BLK: variants seen among roughly 807,000 people sequenced by gnomAD.
BLK encodes the protein BLK proto-oncogene, Src family tyrosine kinase.
A neutral mutation model predicts 61.8 loss-of-function variants in BLK; 64 were observed. The ratio of observed to expected loss-of-function variants is 1.03; its 90% CI spans 0.85 to 1.27. The LOEUF (loss-of-function observed/expected upper bound fraction) is 1.27, where lower values mean the gene tolerates loss of function less well. Among genes scored for constraint, BLK ranks in the 50% most tolerant of loss-of-function variants. The pLI, the probability that BLK is intolerant of heterozygous loss-of-function variation, is 0.00. For missense variants in BLK, 853 were observed against 660.5 expected (o/e 1.29, Z -3.19); for synonymous variants, 351 against 272.0 (o/e 1.29, Z -2.86).
intron 1 of BLK, among the ~76,000 whole-genome samples, chr8:11,507,186 T>G (rs1222972984): frequency 6.6e-6 from 1 of 152,108 alleles, no homozygotes; most frequent in Non-Finnish European, 1.5e-5. Context: ...AACAACACCC[T>G]TGGCAGAGGA....
Position 11,561,464 on chromosome 8 carries a change from C to T in BLK, c.1180+12C>T, listed in dbSNP as rs1437193332. 1 of 1,613,274 alleles carries T rather than the reference C, an allele frequency of 6.2e-7. No homozygotes were observed. The highest frequency in any genetic ancestry group is 1.3e-5 in the African/African-American group (1 of 75,024). On this transcript the variant is annotated intron_variant, in intron 11 of 12. Transcript: ENST00000259089. ...CACGGCCCAAGAGGGTAAGCACAGC[C>T]CCTAACCACAAGGGAAACCTAGGGC... is the stretch of plus-strand genomic sequence containing the variant.
At chr8:11,517,268 G>C (rs924194309) in intron 1 of BLK, among the ~76,000 whole-genome samples, 1 of 152,220 alleles carries the variant, frequency 6.6e-6, no homozygotes, top group East Asian at 1.9e-4. Context: ...AGAAATCGGG[G>C]TTGCATGTGG....
chr8:11,524,918 C>CAA (rs34067077), intron 1 of BLK, among the ~76,000 whole-genome samples: 45,125 of 127,666 alleles, frequency 0.35, 7,582 homozygotes, highest in East Asian at 0.72. Context: ...TGCTTTTTTA[C>CAA]AAAAAAAAAA....
Position 11,562,132 on chromosome 8 carries a change from C to G in BLK, c.1180+680C>G, listed in dbSNP as rs962476519. Among the ~76,000 whole-genome samples, 4 of 152,100 alleles carry G rather than the reference C, an allele frequency of 2.6e-5. 1 individual carries two copies. The highest frequency in any genetic ancestry group is 9.7e-5 in the African/African-American group (4 of 41,414). ...TGCCCAAATACTATTTTTATATAGT[C>G]CCTATTAACCTTCCATGGAATTAGG... On this transcript the variant is annotated intron_variant, in intron 11 of 12. Coordinates refer to ENST00000259089, the MANE Select transcript of BLK (RefSeq NM_001715.3).
intron 1 of BLK, among the ~76,000 whole-genome samples, chr8:11,527,185 C>G (rs76409055): frequency 0.025 from 3,820 of 152,224 alleles, 117 homozygotes; most frequent in African/African-American, 0.074. Flanking sequence ...CTCAACACAC[C>G]AAAGACTATA....
In BLK at chr8:11,555,437, G is replaced by C; in HGVS notation, c.725G>C (p.Arg242Thr). ...TGGGAGATCCCCCGGCAGTCTCTCA[G>C]GCTGGTCAGGAAACTCGGGTCTGGA... ...DEWEIPRQSL[R>T]LVRKLGSGQF... Residue 242 changes from arginine (R) to threonine (T), a missense_variant, in exon 8 of 13, where the codon AGG becomes ACG. Coordinates refer to ENST00000259089, the MANE Select transcript of BLK (RefSeq NM_001715.3). The C allele has an allele frequency of 2.5e-6, 4 of 1,614,190 alleles. No homozygotes were observed. In the South Asian group the frequency reaches 3.3e-5, roughly 13 times the overall value.
chr8:11,535,530 T>C (rs1800099668), intron 1 of BLK, among the ~76,000 whole-genome samples: 1 of 152,210 alleles, frequency 6.6e-6, no homozygotes, highest in Admixed American at 6.5e-5. Context: ...CTGGTATTTT[T>C]TTCTAGTGTT....
intron 1 of BLK, among the ~76,000 whole-genome samples, chr8:11,511,654 T>C (rs1416221463): frequency 6.6e-6 from 1 of 152,202 alleles, no homozygotes; most frequent in Non-Finnish European, 1.5e-5. Flanking sequence ...TCCCACTTAT[T>C]ATTGTTGAAA....
intron 4 of BLK, among the ~76,000 whole-genome samples, chr8:11,548,646 A>C (rs1403719515): frequency 1.3e-5 from 2 of 152,126 alleles, no homozygotes; most frequent in Non-Finnish European, 2.9e-5. Flanking sequence ...AGTTCTCCAA[A>C]GGCCCTGAGC....
At position 11,554,739 on chromosome 8, in the gene BLK, C is replaced by A. The variant is rs368312325; in HGVS notation, c.473-4C>A. The A allele has an allele frequency of 5.6e-6, 9 of 1,613,106 alleles. No individual in the cohort carries two copies. In the South Asian group the frequency reaches 7.7e-5, roughly 14 times the overall value. The stretch of plus-strand genomic sequence containing the variant: ...TCTCGTGTGTGTCTTCATGAACCCT[C>A]CAGGTGCCTTCTCCCTGTCTGTGAA... On this transcript the variant is annotated splice_polypyrimidine_tract_variant and splice_region_variant and intron_variant, in intron 6 of 12. Coordinates refer to ENST00000259089, the MANE Select transcript of BLK (RefSeq NM_001715.3).
At chr8:11,495,105 G>T (rs1208370045) in intron 1 of BLK, among the ~76,000 whole-genome samples, 2 of 152,248 alleles carry the variant, frequency 1.3e-5, no homozygotes, top group Non-Finnish European at 2.9e-5. Context: ...TAACTGAATA[G>T]ATGTAATGAT....
intron 10 of BLK, chr8:11,560,642 G>A: frequency 2.8e-6 from 1 of 351,958 alleles, no homozygotes; most frequent in Non-Finnish European, 5.6e-6. Flanking sequence ...TGGTGATCAG[G>A]GGAGGAGAGA....
At chr8:11,540,042 T>C (rs938576778) in intron 1 of BLK, among the ~76,000 whole-genome samples, 1 of 151,922 alleles carries the variant, frequency 6.6e-6, no homozygotes, top group Non-Finnish European at 1.5e-5. Flanking sequence ...ATTTTTAATG[T>C]TTATGAATTT....
intron 6 of BLK, among the ~76,000 whole-genome samples, chr8:11,553,937 G>A (rs923581357): frequency 6.6e-6 from 1 of 152,138 alleles, no homozygotes; most frequent in Non-Finnish European, 1.5e-5. Context: ...CCCTGGCGGG[G>A]AGGCGTGGTA....
At chr8:11,542,200 G>GA (rs773317635) in intron 1 of BLK, among the ~76,000 whole-genome samples, 30 of 151,854 alleles carry the variant, frequency 2.0e-4, no homozygotes, top group East Asian at 1.7e-3. Flanking sequence ...CACTAAAAGA[G>GA]AAAAAAAATG....
chr8:11,546,567 T>G (rs1043681986), intron 3 of BLK, among the ~76,000 whole-genome samples: 1 of 151,858 alleles, frequency 6.6e-6, no homozygotes, highest in African/African-American at 2.4e-5. Flanking sequence ...CCCTACCTGG[T>G]CCCCAGACTC....
chr8:11,528,986 T>C (rs1483022883), intron 1 of BLK, among the ~76,000 whole-genome samples: 3 of 152,064 alleles, frequency 2.0e-5, no homozygotes, highest in African/African-American at 4.8e-5. Flanking sequence ...AAATAGCTAA[T>C]GGATGCTGGA....
At chr8:11,547,486 C>G (rs550805331) in intron 3 of BLK, among the ~76,000 whole-genome samples, 9 of 152,332 alleles carry the variant, frequency 5.9e-5, no homozygotes, top group African/African-American at 2.2e-4. Context: ...CAGGGCCCGC[C>G]AGCAAGGTGG....
chr8:11,511,537 T>A (rs532309420), intron 1 of BLK, among the ~76,000 whole-genome samples: 1 of 152,334 alleles, frequency 6.6e-6, no homozygotes, highest in South Asian at 2.1e-4. Context: ...TCTTAGAAAT[T>A]CTGTCTTAAA....
Sources: gnomAD v4.1 joint callset for allele counts (sites outside exome capture counted in the v4.1 genomes callset) on GRCh38, gnomAD v4.1.1 for gene constraint, MANE v1.5 for transcripts, NCBI Gene and HGNC (gene_info 2026-07-23, HGNC 2026-07-21) for gene names.